Variants in ATF2 observed in about 807,000 individuals in gnomAD.
ATF2 encodes the protein activating transcription factor 2, also known as cyclic AMP-dependent transcription factor ATF-2.
ATF2 carries 24 observed loss-of-function variants against 60.6 expected under a neutral mutation model. That is an observed-to-expected ratio of 0.40 (90% CI 0.29 to 0.56). ATF2 has a LOEUF of 0.56. ATF2 is among the 20% of genes least tolerant of loss of function. The pLI is 0.54. For missense variants in ATF2, 433 were observed against 607.7 expected (o/e 0.71, Z 3.02); for synonymous variants, 206 against 215.4 (o/e 0.96, Z 0.38).
intron 2 of ATF2, among the ~76,000 whole-genome samples, chr2:175,138,461 C>T (rs563029518): frequency 6.6e-6 from 1 of 152,228 alleles, no homozygotes; most frequent in African/African-American, 2.4e-5. Context: ...TCTGATTATC[C>T]ACTTAGTAAA....
chr2:175,136,609 T>A (rs910242306), intron 2 of ATF2, 123 bp from the exon 3 acceptor site: 1 of 619,654 alleles, frequency 1.6e-6, no homozygotes, highest in Non-Finnish European at 2.9e-6. Flanking sequence ...TAGTCACTAT[T>A]AACAATTTTT....
At position 175,074,683 on chromosome 2, in the gene ATF2, C is replaced by G; in HGVS notation, c.1444G>C (p.Asp482His). ...GAAAGAGCAGGCTCTGTACTCTGGT[C>G]CGCCATCTGGGTGAGGACTGAAGTG... ...VATSVLTQMA[D>H]QSTEPALSQI... Residue 482 changes from aspartate to histidine, a missense_variant, in exon 14 of 14, where the codon GAC (aspartate) becomes CAC (histidine). This residue lies in a region of ATF2 where 114 missense variants were observed against 104.0 expected (regional missense o/e 1.10). Transcript: ENST00000264110. The G allele has an allele frequency of 6.2e-7, 1 of 1,613,422 alleles. No homozygotes were observed. Among genetic ancestry groups the G allele is most frequent in the Non-Finnish European group, 8.5e-7 (1 of 1,179,678 alleles).
chr2:175,159,318 C>CA lies in ATF2; in HGVS notation c.-142-8161dup, dbSNP rs544556578. ...TGCGCGACAGAGCAAGACTCCGTCT[C>CA]AAAAAAAAAAAAAAGTTTTATATTA... On this transcript the variant is annotated intron_variant, in intron 1 of 13. Transcript: ENST00000264110. 9.1e-3 allele frequency among the ~76,000 whole-genome samples: 1,190 copies of CA among 130,324 alleles called. 12 individuals are homozygous for CA. Among genetic ancestry groups the CA allele is most frequent in the South Asian group, 0.045 (189 of 4,220 alleles). 85.5% of individuals were successfully genotyped at this position (130,324 alleles called of 152,430 possible). A position where few individuals can be genotyped will look rare whatever the true frequency, so the allele number is the denominator to read the frequency against.
intron 1 of ATF2, among the ~76,000 whole-genome samples, chr2:175,152,539 C>T (rs1401606084): frequency 6.6e-6 from 1 of 152,172 alleles, no homozygotes; most frequent in African/African-American, 2.4e-5. Flanking sequence ...ACACTTTTCT[C>T]TACGTTTTCT....
rs540488918 is a variant in ATF2, at chr2:175,129,460, T to C, written c.102+678A>G. On this transcript the variant is annotated intron_variant, in intron 4 of 13. Coordinates refer to ENST00000264110, the MANE Select transcript of ATF2 (RefSeq NM_001880.4). ...TACAGTTTATTGTAAGTCAATTATA[T>C]TTCAATTTAAAATATCAACTAAAGA... Among the ~76,000 whole-genome samples, 11 of 152,222 alleles carry C rather than the reference T, an allele frequency of 7.2e-5. No homozygotes were observed. The South Asian group carries it at 2.3e-3, about 32-fold the overall frequency.
intron 1 of ATF2, among the ~76,000 whole-genome samples, chr2:175,159,027 AAG>A (rs1271664052): frequency 6.6e-6 from 1 of 152,128 alleles, no homozygotes; most frequent in African/African-American, 2.4e-5. Context: ...ACTTTTAGAT[AAG>A]AGTTTTGGCC....
At chr2:175,100,327 T>TAA (rs1695223340) in intron 10 of ATF2, among the ~76,000 whole-genome samples, 1 of 152,236 alleles carries the variant, frequency 6.6e-6, no homozygotes, top group South Asian at 2.1e-4. Context: ...AGAATACTAC[T>TAA]GAGGCCTCTA....
intron 10 of ATF2, among the ~76,000 whole-genome samples, chr2:175,107,021 G>C (rs1219388340): frequency 6.6e-6 from 1 of 151,700 alleles, no homozygotes; most frequent in Non-Finnish European, 1.5e-5. Flanking sequence ...GCTACTTGAG[G>C]GGCTAAGGCA....
Position 175,134,455 on chromosome 2 carries a change from C to G in ATF2, c.32+1957G>C, listed in dbSNP as rs899543151. ...TGGAGTAAGAGATTGAAAGAAAAGC[C>G]TGGCATACAGCAAACCAGTAAGGGC... On this transcript the variant is annotated intron_variant, in intron 3 of 13. Coordinates refer to ENST00000264110, the MANE Select transcript of ATF2 (RefSeq NM_001880.4). 3.3e-5 allele frequency among the ~76,000 whole-genome samples: 5 copies of G among 151,434 alleles called. 1 individual carries two copies. In the East Asian group the frequency reaches 9.7e-4, roughly 29 times the overall value.
intron 2 of ATF2, among the ~76,000 whole-genome samples, chr2:175,150,684 T>C (rs1368029864): frequency 6.6e-6 from 1 of 152,148 alleles, no homozygotes; most frequent in Admixed American, 6.6e-5. Flanking sequence ...TTGCCCAAAA[T>C]ATTTTTGAAA....
At chr2:175,147,103 A>G (rs1699012935) in intron 2 of ATF2, among the ~76,000 whole-genome samples, 1 of 152,220 alleles carries the variant, frequency 6.6e-6, no homozygotes, top group African/African-American at 2.4e-5. Flanking sequence ...ATAATTTACA[A>G]ATCAGAAGAC....
chr2:175,165,231 C>T (rs964678843), intron 1 of ATF2, among the ~76,000 whole-genome samples: 7 of 152,168 alleles, frequency 4.6e-5, no homozygotes, highest in Admixed American at 3.9e-4. Context: ...TTGCTATTCA[C>T]TGAATTTTTA....
At chr2:175,145,191 A>G (rs1698865341) in intron 2 of ATF2, among the ~76,000 whole-genome samples, 1 of 152,132 alleles carries the variant, frequency 6.6e-6, no homozygotes, top group Middle Eastern at 3.2e-3. Flanking sequence ...AACCCCAATA[A>G]GCACACTTAG....
intron 6 of ATF2, 60 bp from the exon 7 acceptor site, chr2:175,118,178 A>G: frequency 6.3e-7 from 1 of 1,594,600 alleles, no homozygotes; most frequent in Non-Finnish European, 8.5e-7. Context: ...CTAAATTTAA[A>G]AAGCAGGAAG....
chr2:175,158,930 T>C (rs1699850727), intron 1 of ATF2, among the ~76,000 whole-genome samples: 2 of 152,240 alleles, frequency 1.3e-5, no homozygotes, highest in Admixed American at 1.3e-4. Flanking sequence ...TGACTTTAAA[T>C]GTACATTTTT....
chr2:175,110,894 A>C (rs1696133623), intron 10 of ATF2, among the ~76,000 whole-genome samples: 1 of 152,208 alleles, frequency 6.6e-6, no homozygotes, highest in South Asian at 2.1e-4. Context: ...GGTGTGAGCC[A>C]CTGCGCCCGG....
chr2:175,072,581 T>TA lies in ATF2; in HGVS notation c.*2027dup, dbSNP rs1482790755. 1 of 152,094 alleles carries TA rather than the reference T, an allele frequency of 6.6e-6. No homozygotes were observed. Among genetic ancestry groups the TA allele is most frequent in the Non-Finnish European group, 1.5e-5 (1 of 67,990 alleles). The allele number at this position is 152,094 out of a possible 1,614,324, so 9.4% of individuals were successfully genotyped here. A position where few individuals can be genotyped will look rare whatever the true frequency, so the allele number is the denominator to read the frequency against. ...ACCAAAGAACCTTAACTTGCATAAG[T>TA]AATAAGATGAAAGAAAAATGTACTG... On this transcript the variant is annotated 3_prime_UTR_variant, in exon 14 of 14. Transcript: ENST00000264110.
intron 10 of ATF2, among the ~76,000 whole-genome samples, chr2:175,101,338 T>A (rs1695297942): frequency 6.6e-6 from 1 of 151,660 alleles, no homozygotes; most frequent in South Asian, 2.1e-4. Context: ...AGGGAGAGAG[T>A]CTTGGGAGGT....
intron 10 of ATF2, among the ~76,000 whole-genome samples, chr2:175,105,028 TAA>T (rs1695559467): frequency 6.6e-6 from 1 of 152,184 alleles, no homozygotes. Flanking sequence ...TATGTATCAC[TAA>T]GTTTAGTTAA....
Sources: gnomAD v4.1 joint callset for allele counts (sites outside exome capture counted in the v4.1 genomes callset) on GRCh38, gnomAD v4.1.1 for gene constraint, gnomAD v4.1.1 regional missense constraint, MANE v1.5 for transcripts, NCBI Gene and HGNC (gene_info 2026-07-23, HGNC 2026-07-21) for gene names.